The following SASH1 variants were observed in gnomAD, a reference collection of about 807,000 sequenced individuals.
SASH1 encodes SAM and SH3 domain containing 1.
In SASH1, 44 loss-of-function variants were observed where a neutral mutation model predicts 125.2. That is an observed-to-expected ratio of 0.35 (90% confidence interval 0.28 to 0.45). The LOEUF is 0.45. SASH1 is among the 20% of genes least tolerant of loss of function. The pLI, the probability that SASH1 is intolerant of heterozygous loss-of-function variation, is 1.00. For synonymous variants in SASH1, 639 were observed against 649.1 expected, an observed-to-expected ratio of 0.98 and a Z score of 0.24; for missense variants, 1,426 against 1,614.5, an observed-to-expected ratio of 0.88 and a Z score of 2.00.
At chr6:148,376,875 A>C (rs1366166192) in intron 1 of SASH1, among the ~76,000 whole-genome samples, 1 of 151,920 alleles carries the variant, frequency 6.6e-6, no homozygotes, top group Admixed American at 6.6e-5. Flanking sequence ...TTTTAAAAAC[A>C]AAAGATGAAA....
chr6:148,355,018 C>T (rs931605092), intron 1 of SASH1, among the ~76,000 whole-genome samples: 1 of 152,160 alleles, frequency 6.6e-6, no homozygotes, highest in African/African-American at 2.4e-5. Context: ...CTCTGCCTCC[C>T]AAAGTGCTGG....
the SASH1 span, among the ~76,000 whole-genome samples, chr6:148,261,513 G>C: frequency 2.8e-4 from 42 of 152,328 alleles, no homozygotes; most frequent in East Asian, 4.2e-3. Flanking sequence ...CCTGGGAGGA[G>C]AGATTGGAAG....
At position 148,514,305 on chromosome 6, in the gene SASH1, T is replaced by C. The variant is rs1780312657; in HGVS notation, c.730-19T>C. 1 of 1,570,620 alleles carries C rather than the reference T, an allele frequency of 6.4e-7. No homozygotes were observed. Among genetic ancestry groups the C allele is most frequent in the Non-Finnish European group, 8.6e-7 (1 of 1,156,776 alleles). On this transcript the variant is annotated intron_variant, in intron 8 of 19. Coordinates refer to ENST00000367467, the MANE Select transcript of SASH1 (RefSeq NM_015278.5). Reference sequence around the variant, plus strand: ...CGGAGCAATTACCTGATTAACTTTTTCCTTTGTTTCTTTGCCAGTCAAGAG... The same window carrying C: ...CGGAGCAATTACCTGATTAACTTTTCCCTTTGTTTCTTTGCCAGTCAAGAG...
chr6:148,546,606 A>T (rs1042422409), intron 19 of SASH1, among the ~76,000 whole-genome samples: 2 of 152,236 alleles, frequency 1.3e-5, no homozygotes, highest in African/African-American at 4.8e-5. Context: ...ATAACAATGT[A>T]TACTTGAAAA....
At chr6:148,267,825 G>C (rs6940576), upstream of SASH1, among the ~76,000 whole-genome samples, 3,420 of 152,228 alleles carry the variant, frequency 0.022, 126 homozygotes, top group African/African-American at 0.078. Flanking sequence ...GAAGGGAAGG[G>C]GGCGTGGAGT....
chr6:148,407,701 C>T (rs543674613), intron 2 of SASH1, among the ~76,000 whole-genome samples: 1 of 152,280 alleles, frequency 6.6e-6, no homozygotes, highest in East Asian at 1.9e-4. Context: ...GGCGCAGTCT[C>T]GGCTCACTGC....
intron 8 of SASH1, among the ~76,000 whole-genome samples, chr6:148,510,736 C>CTT (rs1017213926): frequency 2.6e-5 from 4 of 152,006 alleles, no homozygotes; most frequent in Non-Finnish European, 4.4e-5. Context: ...TGGTTCATGC[C>CTT]TGTAATCCCA....
intron 2 of SASH1, among the ~76,000 whole-genome samples, chr6:148,432,738 A>G (rs530099574): frequency 5.3e-5 from 8 of 152,328 alleles, no homozygotes; most frequent in Non-Finnish European, 4.4e-5. Flanking sequence ...TGGCAGCATT[A>G]AGGGAGGAGG....
intron 2 of SASH1, among the ~76,000 whole-genome samples, chr6:148,391,677 CATAGGTGCT>C (rs1212441706): frequency 6.6e-6 from 1 of 152,062 alleles, no homozygotes; most frequent in Non-Finnish European, 1.5e-5. Context: ...AACTAAATAG[CATAGGTGCT>C]ATATATATAA....
At chr6:148,406,405 A>G (rs1355400645) in intron 2 of SASH1, among the ~76,000 whole-genome samples, 3 of 152,220 alleles carry the variant, frequency 2.0e-5, no homozygotes, top group Non-Finnish European at 2.9e-5. Flanking sequence ...AATCTGTTGC[A>G]TTATGTGAAA....
At chr6:148,278,010 C>T (rs564402828) in intron 1 of SASH1, among the ~76,000 whole-genome samples, 37 of 151,816 alleles carry the variant, frequency 2.4e-4, no homozygotes, top group Middle Eastern at 7.0e-3. Context: ...CCACTGCTCC[C>T]GGCCTTGTTT....
At position 148,343,112 on chromosome 6, in the gene SASH1, C is replaced by CGAGCCCGAGCCCGAGCCG. The variant is rs778741445; in HGVS notation, c.56_57insCGAGCCGGAGCCCGAGCC (p.Glu18_Pro23dup). On this transcript the variant is annotated inframe_insertion, in exon 1 of 20. Coordinates refer to ENST00000367467, the MANE Select transcript of SASH1 (RefSeq NM_015278.5). Reference sequence around the variant, plus strand: ...CTGGCCCGGGGCCGGAGCCTGAGCCCGAGCCCGAGCCGGAGCCCGAGCCCG... The same window carrying CGAGCCCGAGCCCGAGCCG: ...CTGGCCCGGGGCCGGAGCCTGAGCCCGAGCCCGAGCCCGAGCCGGAGCCCGAGCCGGAGCCCGAGCCCG... The CGAGCCCGAGCCCGAGCCG allele has an allele frequency of 1.5e-4, 245 of 1,583,082 alleles. No individual in the cohort carries two copies. The highest frequency in any genetic ancestry group is 1.9e-4 in the Non-Finnish European group (227 of 1,171,872).
chr6:148,360,799 C>G (rs2114704803), intron 1 of SASH1, among the ~76,000 whole-genome samples: 1 of 152,304 alleles, frequency 6.6e-6, no homozygotes, highest in East Asian at 1.9e-4. Flanking sequence ...CATACCTTAA[C>G]TCATTTAATT....
chr6:148,545,403 C>T (rs1334728012), intron 18 of SASH1, among the ~76,000 whole-genome samples: 1 of 152,188 alleles, frequency 6.6e-6, no homozygotes, highest in Admixed American at 6.5e-5. Flanking sequence ...CTCTCTGACC[C>T]TCCTTGATAT....
At chr6:148,525,052 G>T in intron 10 of SASH1, 1 of 479,484 alleles carries the variant, frequency 2.1e-6, no homozygotes, top group Non-Finnish European at 3.7e-6. Context: ...GCATGTTAAG[G>T]GGATTCTAGA....
Position 148,519,785 on chromosome 6 carries a change from G to A in SASH1, c.1101G>A (p.Lys367=). The change falls in exon 10 of 20, where the codon AAG becomes AAA. Residue 367 remains lysine (K), a synonymous_variant. Coordinates refer to ENST00000367467, the MANE Select transcript of SASH1 (RefSeq NM_015278.5). The surrounding 1 kb of genome is among the most constrained non-coding windows in gnomAD (Gnocchi z 4.8). ...GESRGLIKPP[K]KMGTFFSYPE... ...GCCGGGGCCTGATTAAGCCCCCCAA[G>A]AAGATGGGGACATTCTTCTCCTACC... 6.2e-7 allele frequency: 1 copy of A among 1,614,086 alleles called. No individual in the cohort carries two copies. Among genetic ancestry groups the A allele is most frequent in the African/African-American group, 1.3e-5 (1 of 75,034 alleles).
At chr6:148,326,345 T>TATATATGC (rs1554235323) in intron 1 of SASH1, among the ~76,000 whole-genome samples, 3 of 89,062 alleles carry the variant, frequency 3.4e-5, no homozygotes, top group African/African-American at 1.3e-4. Flanking sequence ...TATATATATA[T>TATATATGC]ATATATATAT....
chr6:148,304,020 G>A (rs9497996), intron 1 of SASH1, among the ~76,000 whole-genome samples: 10,131 of 151,928 alleles, frequency 0.067, 384 homozygotes, highest in African/African-American at 0.11. Flanking sequence ...TAACCAAATC[G>A]GGGGCCGGGT....
Position 148,473,678 on chromosome 6 carries a change from A to G in SASH1, c.515-432A>G, listed in dbSNP as rs183948789. On this transcript the variant is annotated intron_variant, in intron 6 of 19. Coordinates refer to ENST00000367467, the MANE Select transcript of SASH1 (RefSeq NM_015278.5). ...TTCTTTCCCACTTCTTTGCAAAAAT[A>G]TTTTCTTCTCATTTGTATTGCTAAT... Among the ~76,000 whole-genome samples the G allele has an allele frequency of 4.5e-3, 692 of 152,212 alleles. 4 individuals are homozygous for G. Among genetic ancestry groups the G allele is most frequent in the Middle Eastern group, 0.014 (4 of 294 alleles).
Sources: gnomAD v4.1 joint callset for allele counts (sites outside exome capture counted in the v4.1 genomes callset) on GRCh38, gnomAD v4.1.1 for gene constraint, Gnocchi (gnomAD v3.1) non-coding constraint, MANE v1.5 for transcripts, NCBI Gene and HGNC (gene_info 2026-07-23, HGNC 2026-07-21) for gene names.